CELF4: variants seen among roughly 807,000 people sequenced by gnomAD.
CELF4 encodes CUG-BP- and ETR-3-like factor 4.
A neutral mutation model predicts 59.9 loss-of-function variants in CELF4; 18 were observed. The observed-to-expected ratio is 0.30, with a 90% CI of 0.21 to 0.45. The LOEUF (loss-of-function observed/expected upper bound fraction) is 0.45. Among genes scored for constraint, CELF4 ranks in the 20% least tolerant of loss-of-function variants. The probability of loss-of-function intolerance (pLI) is 1.00; values close to 1 mark genes in which losing one functional copy is unlikely to be tolerated. For synonymous variants in CELF4, 261 were observed against 267.1 expected, an observed-to-expected ratio of 0.98 and a Z score of 0.22; for missense variants, 456 against 689.0, an observed-to-expected ratio of 0.66 and a Z score of 3.79.
At chr18:37,413,242 G>A (rs151208015) in intron 2 of CELF4, among the ~76,000 whole-genome samples, 1 of 152,196 alleles carries the variant, frequency 6.6e-6, no homozygotes, top group East Asian at 1.9e-4. Flanking sequence ...CTGTGTGTCT[G>A]CGTGTGTTCA....
At chr18:37,259,070 G>A (rs761295066) in intron 11 of CELF4, 111 bp downstream of exon 11, 17 of 1,553,888 alleles carry the variant, frequency 1.1e-5, no homozygotes, top group South Asian at 7.1e-5. Flanking sequence ...AGGTTGGTGC[G>A]AGCACCGCCC....
At chr18:37,468,392 T>C (rs1167730965) in intron 2 of CELF4, among the ~76,000 whole-genome samples, 1 of 151,982 alleles carries the variant, frequency 6.6e-6, no homozygotes, top group Non-Finnish European at 1.5e-5. Context: ...CAGCTACTAG[T>C]GGGTCAGGGC....
intron 2 of CELF4, among the ~76,000 whole-genome samples, chr18:37,389,718 C>A (rs532032488): frequency 6.6e-6 from 1 of 152,248 alleles, no homozygotes; most frequent in South Asian, 2.1e-4. Flanking sequence ...TCACACTGAG[C>A]GTCACACGTA....
chr18:37,283,028 T>G (rs984228267), intron 3 of CELF4, among the ~76,000 whole-genome samples: 1 of 151,974 alleles, frequency 6.6e-6, no homozygotes, highest in African/African-American at 2.4e-5. Context: ...GGGATGCAAA[T>G]GAAGACCCTC....
chr18:37,446,152 G>A (rs925152856), intron 2 of CELF4, among the ~76,000 whole-genome samples: 8 of 152,200 alleles, frequency 5.3e-5, no homozygotes, highest in African/African-American at 1.9e-4. Context: ...AACGTGGGTG[G>A]TGGGGCTGTG....
chr18:37,272,927 T>TG (rs2091983008), intron 7 of CELF4, 89 bp downstream of exon 7: 3 of 1,314,348 alleles, frequency 2.3e-6, no homozygotes, highest in Non-Finnish European at 3.2e-6. Context: ...TGCCACAGAA[T>TG]GGTCCGCTGG....
intron 2 of CELF4, among the ~76,000 whole-genome samples, chr18:37,436,358 G>C (rs577901089): frequency 6.6e-6 from 1 of 152,208 alleles, no homozygotes; most frequent in Non-Finnish European, 1.5e-5. Context: ...CTTCCTGCCC[G>C]GGGTGCTGTG....
At position 37,339,535 on chromosome 18, in the gene CELF4, T is replaced by C. The variant is rs184806871; in HGVS notation, c.370-17654A>G. On this transcript the variant is annotated intron_variant, in intron 2 of 12. Coordinates refer to ENST00000420428, the MANE Select transcript of CELF4 (RefSeq NM_020180.4). ...TTGGGAGGCTGAGGCAGGTGGATGA[T>C]TTGTGGTCAGTAGTTTGAGACCAGC... 3.0e-4 allele frequency among the ~76,000 whole-genome samples: 46 copies of C among 152,066 alleles called. No individual in the cohort carries two copies. In the East Asian group the frequency reaches 7.6e-3, roughly 25 times the overall value.
At chr18:37,319,218 G>A (rs1329376780) in intron 3 of CELF4, among the ~76,000 whole-genome samples, 1 of 152,224 alleles carries the variant, frequency 6.6e-6, no homozygotes, top group Non-Finnish European at 1.5e-5. Context: ...TGGGCCTCAT[G>A]TGCCCTGGAC....
At chr18:37,393,966 G>A (rs190592193) in intron 2 of CELF4, among the ~76,000 whole-genome samples, 227 of 151,118 alleles carry the variant, frequency 1.5e-3, no homozygotes, top group Non-Finnish European at 2.0e-3. Flanking sequence ...AGCGCCAGAG[G>A]TCGGCTCTGG....
Position 37,539,469 on chromosome 18 carries a change from ACAAACAC to A in CELF4, c.286+25880_286+25886del, listed in dbSNP as rs1569569809. ...CTAAGACACACACACACACACACAC[ACAAACAC>A]ACACACACACACACACGCGTGCACG... On this transcript the variant is annotated intron_variant, in intron 1 of 12. Transcript: ENST00000420428. Among the ~76,000 whole-genome samples the A allele has an allele frequency of 6.5e-3, 682 of 105,708 alleles. 4 individuals are homozygous for A. Among genetic ancestry groups the A allele is most frequent in the African/African-American group, 0.025 (619 of 25,264 alleles). 69.3% of individuals were successfully genotyped at this position (105,708 alleles called of 152,430 possible). A position where few individuals can be genotyped will look rare whatever the true frequency, so the allele number is the denominator to read the frequency against.
At chr18:37,493,644 G>T (rs1380783600) in intron 1 of CELF4, among the ~76,000 whole-genome samples, 1 of 151,706 alleles carries the variant, frequency 6.6e-6, no homozygotes, top group African/African-American at 2.4e-5. Flanking sequence ...CTCAGAGGAG[G>T]CAGCCTGCAG....
chr18:37,318,425 T>G (rs1331432683), intron 3 of CELF4, among the ~76,000 whole-genome samples: 3 of 151,892 alleles, frequency 2.0e-5, no homozygotes, highest in Admixed American at 2.0e-4. Flanking sequence ...TGTTGCCTAT[T>G]TCTTTAATCT....
intron 2 of CELF4, among the ~76,000 whole-genome samples, chr18:37,485,106 G>T (rs2099877972): frequency 6.6e-6 from 1 of 152,196 alleles, no homozygotes; most frequent in African/African-American, 2.4e-5. Flanking sequence ...AAAGACGAGG[G>T]CTGGCTCCTT....
intron 2 of CELF4, among the ~76,000 whole-genome samples, chr18:37,393,691 C>T (rs2099195982): frequency 6.6e-6 from 1 of 152,140 alleles, no homozygotes; most frequent in Non-Finnish European, 1.5e-5. Context: ...TGCTCCAGCC[C>T]CGGTACCTGA....
intron 2 of CELF4, among the ~76,000 whole-genome samples, chr18:37,475,456 C>T (rs1052897526): frequency 7.2e-5 from 11 of 152,184 alleles, no homozygotes; most frequent in African/African-American, 2.2e-4. Context: ...CTTAGACTTC[C>T]GGTGCTGTTG....
At chr18:37,373,292 C>T (rs995166323) in intron 2 of CELF4, among the ~76,000 whole-genome samples, 13 of 152,336 alleles carry the variant, frequency 8.5e-5, no homozygotes, top group Admixed American at 5.9e-4. Flanking sequence ...GAGGGTGTCT[C>T]ACAGGCGCAG....
intron 2 of CELF4, among the ~76,000 whole-genome samples, chr18:37,337,568 G>A (rs1263643142): frequency 1.3e-5 from 2 of 152,120 alleles, no homozygotes; most frequent in African/African-American, 2.4e-5. Flanking sequence ...GGCATGTTCC[G>A]GAGGGCCTGC....
chr18:37,273,731 C>G, intron 6 of CELF4: 2 of 987,616 alleles, frequency 2.0e-6, no homozygotes, highest in Non-Finnish European at 1.2e-6. Flanking sequence ...AGAACCGTGG[C>G]CTGCCTCAGT....
Sources: gnomAD v4.1 joint callset for allele counts (sites outside exome capture counted in the v4.1 genomes callset) on GRCh38, gnomAD v4.1.1 for gene constraint, MANE v1.5 for transcripts, NCBI Gene and HGNC (gene_info 2026-07-23, HGNC 2026-07-21) for gene names.